Variants in PRKAG2 observed in about 807,000 individuals in gnomAD.
The protein encoded by PRKAG2 is protein kinase AMP-activated non-catalytic subunit gamma 2.
A neutral mutation model predicts 69.6 loss-of-function variants in PRKAG2; 26 were observed. The observed-to-expected ratio is 0.37, with a 90% confidence interval of 0.27 to 0.52. The LOEUF (loss-of-function observed/expected upper bound fraction) is 0.52, where lower values mean the gene tolerates loss of function less well. Ranked by LOEUF, PRKAG2 falls within the 20% of genes least tolerant of loss-of-function variation. PRKAG2 has a pLI of 0.90. For synonymous variants in PRKAG2, 293 were observed against 285.0 expected (o/e 1.03, Z -0.28); for missense variants, 557 against 740.0 (o/e 0.75, Z 2.87).
At chr7:151,695,855 G>C (rs1190134320) in intron 3 of PRKAG2, among the ~76,000 whole-genome samples, 1 of 152,074 alleles carries the variant, frequency 6.6e-6, no homozygotes, top group South Asian at 2.1e-4. Flanking sequence ...AATCACTCTT[G>C]GTGGTCTGAA....
intron 1 of PRKAG2, among the ~76,000 whole-genome samples, chr7:151,831,139 G>A (rs1358237093): frequency 2.0e-5 from 3 of 152,190 alleles, no homozygotes; most frequent in Admixed American, 2.0e-4. Flanking sequence ...TTGCTGGTGG[G>A]AATGTAAAAG....
chr7:151,669,806 G>GCACA (rs531455865), intron 4 of PRKAG2, among the ~76,000 whole-genome samples: 9 of 88,978 alleles, frequency 1.0e-4, no homozygotes, highest in African/African-American at 2.9e-4. Flanking sequence ...GCACACACTT[G>GCACA]CACACACACA....
intron 3 of PRKAG2, among the ~76,000 whole-genome samples, chr7:151,776,792 A>T (rs2076377204): frequency 6.6e-6 from 1 of 152,178 alleles, no homozygotes; most frequent in Admixed American, 6.5e-5. Flanking sequence ...GAGGTAGCTG[A>T]GGGGCTCATA....
intron 1 of PRKAG2, among the ~76,000 whole-genome samples, chr7:151,871,474 C>T (rs2080218781): frequency 6.6e-6 from 1 of 152,166 alleles, no homozygotes; most frequent in African/African-American, 2.4e-5. Flanking sequence ...TCCATTGCAT[C>T]CTCCCCCTCC....
intron 2 of PRKAG2, among the ~76,000 whole-genome samples, chr7:151,782,956 G>C (rs1586503769): frequency 2.6e-5 from 4 of 152,362 alleles, no homozygotes. Flanking sequence ...GCAGACGCGG[G>C]AAATACTGCC....
intron 1 of PRKAG2, among the ~76,000 whole-genome samples, chr7:151,842,700 G>A (rs1399171561): frequency 6.6e-6 from 1 of 151,318 alleles, no homozygotes; most frequent in Non-Finnish European, 1.5e-5. Context: ...AGGTAGGGAT[G>A]ATGGTAGCGA....
At chr7:151,848,404 G>A (rs946209674) in intron 1 of PRKAG2, among the ~76,000 whole-genome samples, 5 of 151,302 alleles carry the variant, frequency 3.3e-5, no homozygotes, top group South Asian at 2.1e-4. Flanking sequence ...CCCTCGTCTC[G>A]GACTTTCCAG....
chr7:151,563,533 C>T (rs1179344548), intron 14 of PRKAG2, among the ~76,000 whole-genome samples: 1 of 152,160 alleles, frequency 6.6e-6, no homozygotes, highest in Non-Finnish European at 1.5e-5. Context: ...GAACTTAAAG[C>T]TTCTGGGATT....
intron 1 of PRKAG2, among the ~76,000 whole-genome samples, chr7:151,822,266 C>G (rs1425404245): frequency 6.6e-6 from 1 of 152,138 alleles, no homozygotes; most frequent in African/African-American, 2.4e-5. Context: ...AGCCCAGGAA[C>G]GAGGTGGGTT....
intron 1 of PRKAG2, among the ~76,000 whole-genome samples, chr7:151,796,176 G>A (rs1309899729): frequency 2.6e-5 from 4 of 151,918 alleles, no homozygotes. Flanking sequence ...GAGAGTCCAG[G>A]GTAAAAGCAG....
intron 4 of PRKAG2, among the ~76,000 whole-genome samples, chr7:151,654,656 AGAG>A (rs1223255336): frequency 6.6e-6 from 1 of 152,194 alleles, no homozygotes; most frequent in East Asian, 1.9e-4. Context: ...GAGACAAAGT[AGAG>A]GAGGAGGAGA....
intron 15 of PRKAG2, chr7:151,557,836 C>T (rs1054859224): frequency 2.7e-5 from 23 of 861,730 alleles, no homozygotes; most frequent in African/African-American, 5.5e-5. Context: ...CATGCCATTG[C>T]ACTCCAGCCT....
At chr7:151,607,554 C>A (rs573595950) in intron 5 of PRKAG2, among the ~76,000 whole-genome samples, 2 of 152,248 alleles carry the variant, frequency 1.3e-5, no homozygotes, top group Admixed American at 1.3e-4. Flanking sequence ...GCATGAGTCA[C>A]TGTGCCTGGC....
In PRKAG2 at chr7:151,699,608, C is replaced by T. The variant is rs1014898766; in HGVS notation, c.467-23971G>A. ...GAGATGAGAAGTATTCACTGGGCAC[C>T]GGCTGTACAGGGAAGAACTGGAAGT... On this transcript the variant is annotated intron_variant, in intron 3 of 15. Transcript: ENST00000287878. This position sits in a 1 kb window ranked among gnomAD's most constrained non-coding sequence, Gnocchi z 4.5. 2.2e-4 allele frequency among the ~76,000 whole-genome samples: 34 copies of T among 152,148 alleles called. No individual in the cohort carries two copies. Among genetic ancestry groups the T allele is most frequent in the African/African-American group, 7.0e-4 (29 of 41,410 alleles).
intron 3 of PRKAG2, among the ~76,000 whole-genome samples, chr7:151,762,021 C>T (rs2075441039): frequency 1.3e-5 from 2 of 152,276 alleles, no homozygotes; most frequent in South Asian, 4.1e-4. Flanking sequence ...ACTAGACCAA[C>T]TGCAGCTCAT....
chr7:151,751,580 A>G (rs2074695823), intron 3 of PRKAG2, among the ~76,000 whole-genome samples: 1 of 152,086 alleles, frequency 6.6e-6, no homozygotes, highest in African/African-American at 2.4e-5. Context: ...ATCACAGCGC[A>G]CTGCAGCCGT....
chr7:151,568,489 G>A (rs1806785887), intron 11 of PRKAG2, among the ~76,000 whole-genome samples: 1 of 152,148 alleles, frequency 6.6e-6, no homozygotes, highest in Non-Finnish European at 1.5e-5. Flanking sequence ...GAGTTTTGTT[G>A]TTAAAATTGT....
Position 151,777,691 on chromosome 7 carries a change from G to A in PRKAG2, c.466+3461C>T, listed in dbSNP as rs1383870358. 3.3e-5 allele frequency among the ~76,000 whole-genome samples: 5 copies of A among 152,314 alleles called. No individual in the cohort carries two copies. In the Middle Eastern group the frequency reaches 0.01, roughly 311 times the overall value. The stretch of plus-strand genomic sequence containing the variant: ...CATCCTGCATCCAGCCTCACAGGCT[G>A]GCTGGCTTTGCTCATTACCTGGGCG... On this transcript the variant is annotated intron_variant, in intron 3 of 15. Transcript: ENST00000287878. This position sits in a 1 kb window ranked among gnomAD's most constrained non-coding sequence, Gnocchi z 4.3.
intron 3 of PRKAG2, among the ~76,000 whole-genome samples, chr7:151,760,106 G>C (rs2075327781): frequency 6.6e-6 from 1 of 152,194 alleles, no homozygotes; most frequent in Non-Finnish European, 1.5e-5. Context: ...GCTGAGATGG[G>C]AGGCAGGCCA....
Sources: gnomAD v4.1 joint callset for allele counts (sites outside exome capture counted in the v4.1 genomes callset) on GRCh38, gnomAD v4.1.1 for gene constraint, Gnocchi (gnomAD v3.1) non-coding constraint, MANE v1.5 for transcripts, NCBI Gene and HGNC (gene_info 2026-07-23, HGNC 2026-07-21) for gene names.